Variants in FRMD5 observed in about 807,000 individuals in gnomAD.
The protein encoded by FRMD5 is FERM domain-containing protein 5.
In FRMD5, 20 loss-of-function variants were observed where a neutral mutation model predicts 69.0. The ratio of observed to expected loss-of-function variants is 0.29; its 90% CI spans 0.20 to 0.42. FRMD5 has a LOEUF of 0.42. Among genes scored for constraint, FRMD5 ranks in the 10% least tolerant of loss-of-function variants. The pLI is 1.00. For missense variants in FRMD5, 595 were observed against 708.6 expected (o/e 0.84, Z 1.82); for synonymous variants, 271 against 260.1 (o/e 1.04, Z -0.40).
At chr15:43,933,125 G>C (rs1262012707) in intron 1 of FRMD5, among the ~76,000 whole-genome samples, 1 of 152,164 alleles carries the variant, frequency 6.6e-6, no homozygotes, top group Non-Finnish European at 1.5e-5. Context: ...GAGACAGCTG[G>C]GGCCCAGAGC....
At chr15:43,904,344 G>A (rs1370183120) in intron 6 of FRMD5, among the ~76,000 whole-genome samples, 1 of 152,142 alleles carries the variant, frequency 6.6e-6, no homozygotes, top group Non-Finnish European at 1.5e-5. Context: ...AAGCTGTAAT[G>A]TATTATAATG....
At chr15:43,981,665 A>C (rs2090550456) in intron 1 of FRMD5, among the ~76,000 whole-genome samples, 1 of 152,252 alleles carries the variant, frequency 6.6e-6, no homozygotes, top group Admixed American at 6.5e-5. Context: ...GATCCACATC[A>C]TAAAAGAAGT....
chr15:44,083,188 G>T (rs1183790906), intron 1 of FRMD5, among the ~76,000 whole-genome samples: 4 of 151,974 alleles, frequency 2.6e-5, no homozygotes, highest in African/African-American at 9.7e-5. Context: ...AGTGAAAAGA[G>T]AACTGGAAAT....
chr15:44,067,292 T>C (rs759208699), intron 1 of FRMD5, among the ~76,000 whole-genome samples: 2 of 152,106 alleles, frequency 1.3e-5, no homozygotes, highest in Non-Finnish European at 2.9e-5. Flanking sequence ...GAGAGGGATA[T>C]AATCATGAGC....
intron 1 of FRMD5, among the ~76,000 whole-genome samples, chr15:44,019,572 C>T (rs867938485): frequency 2.0e-5 from 3 of 151,326 alleles, no homozygotes; most frequent in Admixed American, 1.3e-4. Flanking sequence ...CCCATCTCTA[C>T]TAAAAATACA....
chr15:43,924,523 C>T (rs1186697916), intron 1 of FRMD5, among the ~76,000 whole-genome samples: 2 of 152,192 alleles, frequency 1.3e-5, no homozygotes, highest in Non-Finnish European at 2.9e-5. Flanking sequence ...ACCCTTCCCA[C>T]CACAAAGATG....
chr15:44,002,450 G>A (rs971188626), intron 1 of FRMD5, among the ~76,000 whole-genome samples: 4 of 152,062 alleles, frequency 2.6e-5, no homozygotes, highest in African/African-American at 9.7e-5. Context: ...CTCAGACACC[G>A]AGTTGTGAAA....
At chr15:44,046,073 A>G (rs1383152240) in intron 1 of FRMD5, among the ~76,000 whole-genome samples, 1 of 152,082 alleles carries the variant, frequency 6.6e-6, no homozygotes, top group African/African-American at 2.4e-5. Context: ...ATTAATTTAG[A>G]AACACCCAAC....
intron 1 of FRMD5, among the ~76,000 whole-genome samples, chr15:44,158,983 G>T (rs966045575): frequency 6.6e-6 from 1 of 152,258 alleles, no homozygotes; most frequent in South Asian, 2.1e-4. Flanking sequence ...AAAAAAATGA[G>T]CACCTAACTC....
At chr15:44,120,533 A>ATACT (rs1555405910) in intron 1 of FRMD5, among the ~76,000 whole-genome samples, 2 of 137,866 alleles carry the variant, frequency 1.5e-5, no homozygotes, top group Non-Finnish European at 3.1e-5. Flanking sequence ...GGAAGAGTGG[A>ATACT]TTTTTTTTTT....
In FRMD5 at chr15:44,154,539, A is replaced by T. The variant is rs533234158; in HGVS notation, c.102+40414T>A. Among the ~76,000 whole-genome samples, 3 of 152,362 alleles carry T rather than the reference A, an allele frequency of 2.0e-5. No individual in the cohort carries two copies. The East Asian group carries it at 5.8e-4, about 29-fold the overall frequency. On this transcript the variant is annotated intron_variant, in intron 1 of 13. Transcript: ENST00000417257. ...AAATAGTTATTTATGATTTATAATC[A>T]GTGCATACTTAGAAGATGCTTAGAG...
intron 1 of FRMD5, among the ~76,000 whole-genome samples, chr15:44,077,883 C>T (rs1345973679): frequency 6.6e-6 from 1 of 152,082 alleles, no homozygotes; most frequent in Non-Finnish European, 1.5e-5. Flanking sequence ...TCTAAAAGCT[C>T]TCATGATTTA....
intron 4 of FRMD5, among the ~76,000 whole-genome samples, chr15:43,913,362 G>C (rs2089324432): frequency 6.6e-6 from 1 of 152,240 alleles, no homozygotes; most frequent in South Asian, 2.1e-4. Context: ...AACCATAGTT[G>C]AGGGCAAGAG....
At chr15:44,134,510 A>G (rs1465713944) in intron 1 of FRMD5, among the ~76,000 whole-genome samples, 1 of 152,138 alleles carries the variant, frequency 6.6e-6, no homozygotes, top group East Asian at 1.9e-4. Context: ...GTGCAGTGGC[A>G]TGATCTCAGC....
At chr15:44,019,316 T>C (rs1167767972) in intron 1 of FRMD5, among the ~76,000 whole-genome samples, 4 of 151,994 alleles carry the variant, frequency 2.6e-5, no homozygotes, top group Admixed American at 6.6e-5. Flanking sequence ...ACAGTGACTA[T>C]CTATTAAATG....
At chr15:44,048,093 C>T (rs1892506220) in intron 1 of FRMD5, among the ~76,000 whole-genome samples, 1 of 152,116 alleles carries the variant, frequency 6.6e-6, no homozygotes, top group African/African-American at 2.4e-5. Context: ...TGCTGGGTCA[C>T]ATGGTAACTC....
chr15:43,874,260 G>C lies in FRMD5; in HGVS notation c.1338C>G (p.Ser446=). The C allele has an allele frequency of 6.2e-7, 1 of 1,614,230 alleles. No homozygotes were observed. The highest frequency in any genetic ancestry group is 8.5e-7 in the Non-Finnish European group (1 of 1,180,048). Residue 446 remains serine (S), a synonymous_variant, in exon 14 of 14, where the codon TCC becomes TCG. Transcript: ENST00000417257. Reference sequence around the variant, plus strand: ...TGCAGGTGGCTCCATTGATCTGCCGGGAAAGCAACATCAGCTCCAGGCTGT... The same window carrying C: ...TGCAGGTGGCTCCATTGATCTGCCGCGAAAGCAACATCAGCTCCAGGCTGT... ...AEHSLELMLL[S]RQINGATCSI...
intron 13 of FRMD5, among the ~76,000 whole-genome samples, chr15:43,881,033 A>C (rs2088513097): frequency 6.6e-6 from 1 of 152,094 alleles, no homozygotes; most frequent in African/African-American, 2.4e-5. Context: ...ACTCTCAGTG[A>C]GTTTTGTCTC....
Position 44,125,916 on chromosome 15 carries a change from C to T in FRMD5, c.102+69037G>A, listed in dbSNP as rs1252624131. The stretch of plus-strand genomic sequence containing the variant: ...ACAGGGAAGCCCAGGACATCTTAGC[C>T]TTTTCCGAGTCTATCTAAAAGCAAT... On this transcript the variant is annotated intron_variant, in intron 1 of 13. Transcript: ENST00000417257. Among the ~76,000 whole-genome samples, 3 of 152,300 alleles carry T rather than the reference C, an allele frequency of 2.0e-5. No individual in the cohort carries two copies. The South Asian group carries it at 6.2e-4, about 32-fold the overall frequency.
Sources: gnomAD v4.1 joint callset for allele counts (sites outside exome capture counted in the v4.1 genomes callset) on GRCh38, gnomAD v4.1.1 for gene constraint, MANE v1.5 for transcripts, NCBI Gene and HGNC (gene_info 2026-07-23, HGNC 2026-07-21) for gene names.